FSTL5: variants seen among roughly 807,000 people sequenced by gnomAD.
FSTL5 encodes follistatin-related protein 5.
FSTL5 carries 62 observed loss-of-function variants against 89.1 expected under a neutral mutation model. That is an observed-to-expected ratio of 0.70 (90% CI 0.57 to 0.86). The LOEUF is 0.86. FSTL5 is among the 40% of genes least tolerant of loss of function. FSTL5 has a pLI of 0.00. For missense variants in FSTL5, 1,057 were observed against 1,001.6 expected, an observed-to-expected ratio of 1.06 and a Z score of -0.75; for synonymous variants, 383 against 346.2, an observed-to-expected ratio of 1.11 and a Z score of -1.18.
chr4:161,955,888 T>C (rs1281122058), intron 3 of FSTL5, among the ~76,000 whole-genome samples: 4 of 151,644 alleles, frequency 2.6e-5, no homozygotes, highest in Non-Finnish European at 4.4e-5. Flanking sequence ...GAGAGGTGGT[T>C]TTTTTTTGTT....
chr4:161,911,742 T>A (rs1239550535), intron 4 of FSTL5, among the ~76,000 whole-genome samples: 1 of 152,236 alleles, frequency 6.6e-6, no homozygotes, highest in East Asian at 1.9e-4. Context: ...ATTACTGCAT[T>A]AAATTAATTT....
intron 3 of FSTL5, among the ~76,000 whole-genome samples, chr4:161,997,360 G>A (rs573419674): frequency 6.6e-6 from 1 of 152,234 alleles, no homozygotes; most frequent in Middle Eastern, 3.4e-3. Context: ...AAGAATTGAG[G>A]AGGAAACATG....
chr4:161,702,181 A>G (rs570372038), intron 6 of FSTL5, among the ~76,000 whole-genome samples: 9 of 152,294 alleles, frequency 5.9e-5, no homozygotes, highest in African/African-American at 2.2e-4. Flanking sequence ...ATTGAAATTC[A>G]TTGCTTAGCG....
chr4:161,591,878 G>T lies in FSTL5; in HGVS notation c.895-4303C>A, dbSNP rs540788634. On this transcript the variant is annotated intron_variant, in intron 7 of 15. Coordinates refer to ENST00000306100, the MANE Select transcript of FSTL5 (RefSeq NM_020116.5). ...CTGGGGAGGCTAAGATGTCAAGGAA[G>T]CTACTAGTTCCATTTGGCCTCTAAT... 2.4e-3 allele frequency among the ~76,000 whole-genome samples: 366 copies of T among 152,318 alleles called. 2 individuals carry two copies. The highest frequency in any genetic ancestry group is 8.6e-3 in the African/African-American group (359 of 41,568).
At chr4:161,745,708 T>A (rs1039556526) in intron 6 of FSTL5, among the ~76,000 whole-genome samples, 6 of 152,032 alleles carry the variant, frequency 3.9e-5, no homozygotes, top group African/African-American at 1.4e-4. Context: ...GATAAATTCC[T>A]GATCTCAGAA....
chr4:161,437,565 C>CAAAAAAAAAAAAAAAAAAAAAAA lies in FSTL5; in HGVS notation c.1841+17438_1841+17439insTTTTTTTTTTTTTTTTTTTTTTT, dbSNP rs56229701. 1.3e-3 allele frequency among the ~76,000 whole-genome samples: 92 copies of CAAAAAAAAAAAAAAAAAAAAAAA among 68,494 alleles called. 10 individuals are homozygous for CAAAAAAAAAAAAAAAAAAAAAAA. The highest frequency in any genetic ancestry group is 3.2e-3 in the African/African-American group (39 of 12,014). The allele number at this position is 68,494 out of a possible 152,430, so 44.9% of individuals were successfully genotyped here. A position where few individuals can be genotyped will look rare whatever the true frequency, so the allele number is the denominator to read the frequency against. On this transcript the variant is annotated intron_variant, in intron 15 of 15. Transcript: ENST00000306100. ...CTGGTGACAGAGTGAGACTCCGTCT[C>CAAAAAAAAAAAAAAAAAAAAAAA]AAAAAAAAAAAAAAAAACGAGGTCA...
At chr4:161,609,090 T>C (rs940697018) in intron 7 of FSTL5, among the ~76,000 whole-genome samples, 4 of 152,196 alleles carry the variant, frequency 2.6e-5, no homozygotes, top group South Asian at 2.1e-4. Flanking sequence ...TTGTCTGTCT[T>C]GAAGGCCTTA....
chr4:161,874,250 C>T (rs1163448197), intron 4 of FSTL5, among the ~76,000 whole-genome samples: 1 of 151,962 alleles, frequency 6.6e-6, no homozygotes, highest in Non-Finnish European at 1.5e-5. Context: ...ATTCTTAGCT[C>T]TCTTAAGGCT....
intron 7 of FSTL5, among the ~76,000 whole-genome samples, chr4:161,615,444 C>CAA (rs570217571): frequency 4.6e-4 from 40 of 87,384 alleles, no homozygotes; most frequent in African/African-American, 1.3e-3. Context: ...GACTCCATCT[C>CAA]AAAAAAAAAA....
intron 1 of FSTL5, among the ~76,000 whole-genome samples, chr4:162,160,274 A>G (rs941354310): frequency 3.3e-5 from 5 of 151,804 alleles, no homozygotes; most frequent in Non-Finnish European, 5.9e-5. Context: ...CAATTCATCA[A>G]TACTAAGGTG....
chr4:161,905,556 C>G (rs1733498242), intron 4 of FSTL5, among the ~76,000 whole-genome samples: 1 of 151,928 alleles, frequency 6.6e-6, no homozygotes, highest in Non-Finnish European at 1.5e-5. Context: ...AAGAAACAAA[C>G]AAAATACTGG....
chr4:162,129,484 C>G (rs531925857), intron 1 of FSTL5, among the ~76,000 whole-genome samples: 70 of 152,246 alleles, frequency 4.6e-4, no homozygotes, highest in Admixed American at 3.7e-3. Context: ...TGTTACATAG[C>G]AAGTTCTTAA....
At position 161,587,677 on chromosome 4, in the gene FSTL5, T is replaced by C. The variant is rs559367429; in HGVS notation, c.895-102A>G. ...CAGGTACAAAACAAATAGACTCAAA[T>C]ATTGTTTTAAAATTATCAAAATGAG... is the stretch of plus-strand genomic sequence containing the variant. On this transcript the variant is annotated intron_variant, in intron 7 of 15. Transcript: ENST00000306100. 1.6e-4 allele frequency: 127 copies of C among 789,078 alleles called. No homozygotes were observed. In the African/African-American group the frequency reaches 2.1e-3, roughly 13 times the overall value. 48.9% of individuals were successfully genotyped at this position (789,078 alleles called of 1,614,324 possible).
intron 8 of FSTL5, among the ~76,000 whole-genome samples, chr4:161,575,541 C>T (rs72687554): frequency 1.3e-5 from 2 of 151,898 alleles, no homozygotes; most frequent in African/African-American, 2.4e-5. Context: ...GAAACCTCTG[C>T]CCCCTGGATT....
intron 7 of FSTL5, among the ~76,000 whole-genome samples, chr4:161,645,932 A>C (rs748678189): frequency 4.5e-4 from 68 of 151,870 alleles, no homozygotes; most frequent in Non-Finnish European, 8.5e-4. Flanking sequence ...TGGAATAAGA[A>C]GTGCATTATT....
chr4:161,524,564 T>C (rs1731145728), intron 10 of FSTL5, among the ~76,000 whole-genome samples: 1 of 152,210 alleles, frequency 6.6e-6, no homozygotes, highest in South Asian at 2.1e-4. Context: ...CACTTCAATG[T>C]CTTTCTTAAT....
intron 6 of FSTL5, among the ~76,000 whole-genome samples, chr4:161,658,641 T>C (rs958060040): frequency 6.6e-6 from 1 of 152,130 alleles, no homozygotes; most frequent in Admixed American, 6.6e-5. Context: ...ATAAATAAGT[T>C]AAAAATTATT....
chr4:161,671,344 T>A (rs1737102224), intron 6 of FSTL5, among the ~76,000 whole-genome samples: 1 of 152,182 alleles, frequency 6.6e-6, no homozygotes, highest in African/African-American at 2.4e-5. Context: ...AAAATAAAGT[T>A]GTGTTGGAAC....
intron 3 of FSTL5, among the ~76,000 whole-genome samples, chr4:161,942,266 T>C (rs1286494708): frequency 6.7e-6 from 1 of 148,728 alleles, no homozygotes; most frequent in Non-Finnish European, 1.5e-5. Context: ...TGGAAAGAAA[T>C]AATAAAGATT....
Sources: allele counts gnomAD v4.1 joint callset (sites outside exome capture counted in the v4.1 genomes callset), GRCh38; gene constraint gnomAD v4.1.1; transcripts MANE v1.5; gene names NCBI Gene and HGNC (gene_info 2026-07-23, HGNC 2026-07-21).